Variants in SORCS3 observed in about 807,000 individuals in gnomAD.
SORCS3 encodes the protein sortilin related VPS10 domain containing receptor 3, also known as VPS10 domain-containing receptor SorCS3.
SORCS3 carries 57 observed loss-of-function variants against 146.3 expected under a neutral mutation model. The ratio of observed to expected loss-of-function variants is 0.39; its 90% CI spans 0.31 to 0.49. The LOEUF (loss-of-function observed/expected upper bound fraction) is 0.49. SORCS3 is among the 20% of genes least tolerant of loss of function. The probability of loss-of-function intolerance (pLI) is 0.92; values close to 1 mark genes in which losing one functional copy is unlikely to be tolerated. For missense variants in SORCS3, 1,341 were observed against 1,575.5 expected, an observed-to-expected ratio of 0.85 and a Z score of 2.52; for synonymous variants, 653 against 618.5, an observed-to-expected ratio of 1.06 and a Z score of -0.83.
Position 104,746,950 on chromosome 10 carries a change from A to C in SORCS3, c.628-95842A>C, listed in dbSNP as rs145253494. On this transcript the variant is annotated intron_variant, in intron 1 of 26. Transcript: ENST00000369701. Reference sequence around the variant, plus strand: ...AATCTTCAGAATGACTATGAGAAACAAGTATTAAAATGAGAAGACTGAGGC... The same window carrying C: ...AATCTTCAGAATGACTATGAGAAACCAGTATTAAAATGAGAAGACTGAGGC... Among the ~76,000 whole-genome samples, 1,266 of 152,338 alleles carry C rather than the reference A, an allele frequency of 8.3e-3. 13 individuals are homozygous for C. Among genetic ancestry groups the C allele is most frequent in the Admixed American group, 0.016 (239 of 15,306 alleles).
intron 4 of SORCS3, among the ~76,000 whole-genome samples, chr10:104,996,774 A>T (rs1405786446): frequency 6.6e-6 from 1 of 152,174 alleles, no homozygotes; most frequent in Non-Finnish European, 1.5e-5. Flanking sequence ...GCATTTTGAA[A>T]TAATTAGAGG....
chr10:104,753,847 A>T (rs1387503971), intron 1 of SORCS3, among the ~76,000 whole-genome samples: 1 of 152,244 alleles, frequency 6.6e-6, no homozygotes, highest in South Asian at 2.1e-4. Flanking sequence ...AGGCTGACCT[A>T]TAGCTACAAG....
intron 1 of SORCS3, among the ~76,000 whole-genome samples, chr10:104,775,002 T>C (rs2017292587): frequency 6.6e-6 from 1 of 152,232 alleles, no homozygotes; most frequent in African/African-American, 2.4e-5. Context: ...TAGTCAAGAA[T>C]AATTTTACCA....
intron 14 of SORCS3, among the ~76,000 whole-genome samples, chr10:105,188,203 G>A (rs975810062): frequency 3.3e-5 from 5 of 152,034 alleles, no homozygotes; most frequent in Non-Finnish European, 5.9e-5. Context: ...AATATTAAAA[G>A]CATTACCTCC....
At chr10:105,255,186 CAAAAAAAAAAAA>C (rs35150065) in intron 23 of SORCS3, among the ~76,000 whole-genome samples, 2 of 32,656 alleles carry the variant, frequency 6.1e-5, no homozygotes, top group East Asian at 8.6e-4. Flanking sequence ...GACTCAGTCT[CAAAAAAAAAAAA>C]AAAAAAAAAA....
chr10:104,672,917 C>T (rs1014880726), intron 1 of SORCS3, among the ~76,000 whole-genome samples: 5 of 151,998 alleles, frequency 3.3e-5, no homozygotes, highest in Admixed American at 2.0e-4. Context: ...AATGCTTTTA[C>T]TTGATATATT....
At chr10:104,839,728 A>T (rs77007302) in intron 1 of SORCS3, among the ~76,000 whole-genome samples, 4,982 of 152,274 alleles carry the variant, frequency 0.033, 136 homozygotes, top group East Asian at 0.13. Flanking sequence ...GTGTGGAAGG[A>T]TATGTGAGTC....
At chr10:104,713,318 C>G (rs746019310) in intron 1 of SORCS3, among the ~76,000 whole-genome samples, 1 of 152,200 alleles carries the variant, frequency 6.6e-6, no homozygotes, top group Non-Finnish European at 1.5e-5. Context: ...CAACCCTCCT[C>G]AGCCTCAGCA....
chr10:104,697,268 C>T (rs1326707669), intron 1 of SORCS3, among the ~76,000 whole-genome samples: 1 of 152,150 alleles, frequency 6.6e-6, no homozygotes, highest in Admixed American at 6.5e-5. Flanking sequence ...ACCATTTAAA[C>T]ATATGACCGT....
Position 104,887,971 on chromosome 10 carries a change from G to GGGTGC in SORCS3, c.696-27861_696-27860insGTGCG, listed in dbSNP as rs145157471. On this transcript the variant is annotated intron_variant, in intron 2 of 26. Coordinates refer to ENST00000369701, the MANE Select transcript of SORCS3 (RefSeq NM_014978.3). The stretch of plus-strand genomic sequence containing the variant: ...AACATGGTGGGGGCGGGGGGGCGGG[G>GGGTGC]GCGGAGCAAGCCCATGAAGACAGCA... 9.9e-3 allele frequency among the ~76,000 whole-genome samples: 820 copies of GGGTGC among 82,846 alleles called. 38 individuals are homozygous for GGGTGC. The highest frequency in any genetic ancestry group is 0.019 in the African/African-American group (343 of 18,104). The allele number at this position is 82,846 out of a possible 152,430, so 54.4% of individuals were successfully genotyped here.
chr10:104,972,955 T>G (rs2054870008), intron 3 of SORCS3, among the ~76,000 whole-genome samples: 1 of 152,212 alleles, frequency 6.6e-6, no homozygotes. Flanking sequence ...GAGATAATCA[T>G]GTGGTTTTTG....
At chr10:105,046,292 T>C (rs1457488598) in intron 5 of SORCS3, among the ~76,000 whole-genome samples, 1 of 152,130 alleles carries the variant, frequency 6.6e-6, no homozygotes, top group Non-Finnish European at 1.5e-5. Context: ...GATTCATAGC[T>C]TTGCTCCTGT....
At chr10:104,973,483 A>G (rs1002033241) in intron 3 of SORCS3, among the ~76,000 whole-genome samples, 3 of 152,062 alleles carry the variant, frequency 2.0e-5, no homozygotes, top group African/African-American at 7.2e-5. Flanking sequence ...TTATTTCTGT[A>G]GAGGTGTTTG....
At chr10:104,757,091 T>A (rs2017062432) in intron 1 of SORCS3, among the ~76,000 whole-genome samples, 1 of 79,770 alleles carries the variant, frequency 1.3e-5, no homozygotes, top group African/African-American at 4.6e-5. Context: ...TTTTTTTTTT[T>A]AGCCAATTAT....
chr10:104,786,709 G>A (rs1033823547), intron 1 of SORCS3, among the ~76,000 whole-genome samples: 7 of 152,052 alleles, frequency 4.6e-5, no homozygotes, highest in African/African-American at 9.7e-5. Flanking sequence ...CAAGCCATTC[G>A]AGACCAGGTC....
chr10:105,158,108 G>A (rs1336353199), intron 10 of SORCS3, among the ~76,000 whole-genome samples: 1 of 152,116 alleles, frequency 6.6e-6, no homozygotes, highest in African/African-American at 2.4e-5. Flanking sequence ...GGTACTAGGA[G>A]GGTCAGAGAG....
chr10:104,672,979 G>A (rs746517902), intron 1 of SORCS3, among the ~76,000 whole-genome samples: 2 of 152,050 alleles, frequency 1.3e-5, no homozygotes, highest in African/African-American at 2.4e-5. Flanking sequence ...CTGCTGTTCT[G>A]AACCTTTTAT....
intron 13 of SORCS3, among the ~76,000 whole-genome samples, chr10:105,174,395 C>G (rs1026939393): frequency 6.6e-6 from 1 of 151,918 alleles, no homozygotes; most frequent in African/African-American, 2.4e-5. Context: ...ATTCAATATA[C>G]AATATATCAC....
In SORCS3 at chr10:104,847,740, C is replaced by T. The variant is rs372260096; in HGVS notation, c.695+4881C>T. ...CAATTGGTAGACCTTGGTTCTTCAC[C>T]TCTCTCCTCTCTTGCTTTATTGCAC... On this transcript the variant is annotated intron_variant, in intron 2 of 26. Transcript: ENST00000369701. Among the ~76,000 whole-genome samples, 16 of 152,246 alleles carry T rather than the reference C, an allele frequency of 1.1e-4. No individual in the cohort carries two copies. The East Asian group carries it at 2.3e-3, about 22-fold the overall frequency.
Sources: allele counts gnomAD v4.1 joint callset (sites outside exome capture counted in the v4.1 genomes callset), GRCh38; gene constraint gnomAD v4.1.1; transcripts MANE v1.5; gene names NCBI Gene and HGNC (gene_info 2026-07-23, HGNC 2026-07-21).